Variants in ESR2 observed in about 807,000 individuals in gnomAD.
The protein encoded by ESR2 is estrogen receptor beta.
Under a neutral mutation model 49.6 loss-of-function variants are expected in ESR2, and 36 were observed. The ratio of observed to expected loss-of-function variants is 0.73; its 90% CI spans 0.56 to 0.96. The LOEUF is 0.96. ESR2 is among the 40% of genes least tolerant of loss of function. The pLI is 0.00. For synonymous variants in ESR2, 320 were observed against 266.1 expected (o/e 1.20, Z -1.97); for missense variants, 714 against 693.0 (o/e 1.03, Z -0.34).
chr14:64,325,548 T>C (rs8005720), intron 1 of ESR2, among the ~76,000 whole-genome samples: 13,684 of 152,154 alleles, frequency 0.09, 693 homozygotes, highest in African/African-American at 0.13. Context: ...ATTATGAATA[T>C]TCCACCTTTT....
chr14:64,315,626 C>A lies in ESR2; in HGVS notation c.-91+22272G>T, dbSNP rs554364462. On this transcript the variant is annotated intron_variant, in intron 1 of 8. Transcript: ENST00000358599. ...AGTAGCTGGGACTACAGGCACGCAC[C>A]ACCACACCTGGCTAATTTTTTGTAT... Among the ~76,000 whole-genome samples the A allele has an allele frequency of 3.6e-4, 54 of 151,138 alleles. No individual in the cohort carries two copies. In the South Asian group the frequency reaches 0.011, roughly 30 times the overall value.
intron 1 of ESR2, among the ~76,000 whole-genome samples, chr14:64,331,632 C>G (rs1163492567): frequency 1.3e-5 from 2 of 152,028 alleles, no homozygotes; most frequent in African/African-American, 4.8e-5. Flanking sequence ...CGAGACTGGC[C>G]TGACCAACAT....
At chr14:64,311,589 G>A (rs990988603) in intron 1 of ESR2, among the ~76,000 whole-genome samples, 2 of 151,018 alleles carry the variant, frequency 1.3e-5, no homozygotes, top group African/African-American at 4.9e-5. Flanking sequence ...GTTGCAGTGA[G>A]CTGAGATCAC....
Position 64,282,491 on chromosome 14 carries a change from T to C in ESR2, c.362+133A>G, listed in dbSNP as rs1341331627. The C allele has an allele frequency of 4.3e-6, 4 of 920,194 alleles. No homozygotes were observed. The African/African-American group carries it at 6.7e-5, about 15-fold the overall frequency. 57.0% of individuals were successfully genotyped at this position (920,194 alleles called of 1,614,324 possible). A position where few individuals can be genotyped will look rare whatever the true frequency, so the allele number is the denominator to read the frequency against. On this transcript the variant is annotated intron_variant, in intron 2 of 8. Transcript: ENST00000341099. ...AGAATAGAACAGGGCATCCTGTGTT[T>C]TGGGTGCTGTAAGTAAACTATGTAA...
intron 6 of ESR2, among the ~76,000 whole-genome samples, chr14:64,256,508 C>T (rs1596399059): frequency 1.3e-5 from 2 of 152,130 alleles, no homozygotes; most frequent in African/African-American, 2.4e-5. Context: ...GTGGGCAGAT[C>T]GCCTGAGGTC....
intron 5 of ESR2, among the ~76,000 whole-genome samples, chr14:64,258,343 A>C (rs932996063): frequency 3.3e-5 from 5 of 152,228 alleles, no homozygotes; most frequent in African/African-American, 1.2e-4. Context: ...CTTCAAAAGC[A>C]AAGCAGAGAA....
Position 64,266,696 on chromosome 14 carries a change from T to C in ESR2, c.652+2099A>G, listed in dbSNP as rs140872541. 1.5e-4 allele frequency among the ~76,000 whole-genome samples: 23 copies of C among 152,312 alleles called. No homozygotes were observed. The East Asian group carries it at 4.4e-3, about 29-fold the overall frequency. ...TTTCTGCATAAACATACACATAAGA[T>C]ATTATCTCTGGATTTTCAGTTTCAG... is the stretch of plus-strand genomic sequence containing the variant. On this transcript the variant is annotated intron_variant, in intron 4 of 8. Transcript: ENST00000341099.
intron 7 of ESR2, among the ~76,000 whole-genome samples, chr14:64,245,244 C>T (rs2075823743): frequency 6.6e-6 from 1 of 152,058 alleles, no homozygotes; most frequent in Non-Finnish European, 1.5e-5. Flanking sequence ...AAAAGAAGAT[C>T]TCTGGCCAGG....
At chr14:64,284,166 T>C (rs1157820031) in intron 1 of ESR2, among the ~76,000 whole-genome samples, 1 of 151,976 alleles carries the variant, frequency 6.6e-6, no homozygotes, top group Non-Finnish European at 1.5e-5. Context: ...TGATCTCGAG[T>C]GATCCACCTG....
intron 3 of ESR2, among the ~76,000 whole-genome samples, chr14:64,277,263 G>A (rs987210320): frequency 6.6e-6 from 1 of 152,112 alleles, no homozygotes; most frequent in Non-Finnish European, 1.5e-5. Flanking sequence ...GAAGGGGACA[G>A]GTACATGACT....
intron 1 of ESR2, among the ~76,000 whole-genome samples, chr14:64,313,084 T>C (rs10139423): frequency 0.017 from 2,633 of 152,018 alleles, 80 homozygotes; most frequent in African/African-American, 0.059. Context: ...AAGGAAAGTG[T>C]CAAACAAAGT....
In ESR2 at chr14:64,229,951, G is replaced by A. The variant is rs943234612; in HGVS notation, c.*3186C>T. Among the ~76,000 whole-genome samples the A allele has an allele frequency of 2.0e-5, 3 of 152,184 alleles. No individual in the cohort carries two copies. The highest frequency in any genetic ancestry group is 7.2e-5 in the African/African-American group (3 of 41,450). Reference sequence around the variant, plus strand: ...CTCAGCACTTTGGGAGGCCTTGGCAGGCAGATCGCTGGAGCCCAGGAGTTC... The same window carrying A: ...CTCAGCACTTTGGGAGGCCTTGGCAAGCAGATCGCTGGAGCCCAGGAGTTC... On this transcript the variant is annotated 3_prime_UTR_variant, in exon 9 of 9. Transcript: ENST00000341099.
chr14:64,274,688 A>G (rs1349157777), intron 3 of ESR2, among the ~76,000 whole-genome samples: 2 of 152,222 alleles, frequency 1.3e-5, no homozygotes, highest in East Asian at 3.9e-4. Context: ...TCTTTAAGAT[A>G]CATCATTAAG....
chr14:64,280,006 C>T lies in ESR2; in HGVS notation c.510G>A (p.Lys170=), dbSNP rs778238323. The T allele has an allele frequency of 3.7e-6, 6 of 1,614,010 alleles. No individual in the cohort carries two copies. Among genetic ancestry groups the T allele is most frequent in the Admixed American group, 1.7e-5 (1 of 59,990 alleles). ...HYGVWSCEGC[K]AFFKRSIQGH... ...CTTGAATGCTTCTTTTAAAAAAGGCCTTACATCCTTCACACGACCAGACTC... is the reference window on the plus strand; with the variant it reads ...CTTGAATGCTTCTTTTAAAAAAGGCTTTACATCCTTCACACGACCAGACTC... Residue 170 remains lysine (K), a synonymous_variant, in exon 3 of 9, where the codon AAG becomes AAA. Coordinates refer to ENST00000341099, the MANE Select transcript of ESR2 (RefSeq NM_001437.3).
intron 6 of ESR2, among the ~76,000 whole-genome samples, chr14:64,251,085 C>T (rs569435460): frequency 7.9e-5 from 12 of 152,180 alleles, no homozygotes; most frequent in African/African-American, 2.6e-4. Flanking sequence ...CAAAGAGTGC[C>T]AAATCTACAG....
At chr14:64,294,672 G>C (rs756757619), upstream of ESR2, among the ~76,000 whole-genome samples, 1 of 152,204 alleles carries the variant, frequency 6.6e-6, no homozygotes, top group African/African-American at 2.4e-5. Context: ...CCAGTCTGGG[G>C]ACCACACTTC....
intron 3 of ESR2, among the ~76,000 whole-genome samples, chr14:64,272,048 A>G (rs187362900): frequency 6.6e-6 from 1 of 152,282 alleles, no homozygotes; most frequent in East Asian, 1.9e-4. Flanking sequence ...CCTTTTCTCT[A>G]CATCCTCACT....
chr14:64,255,449 A>G (rs2076080091), intron 6 of ESR2, among the ~76,000 whole-genome samples: 1 of 152,136 alleles, frequency 6.6e-6, no homozygotes, highest in Admixed American at 6.6e-5. Flanking sequence ...TGTTACAAGT[A>G]AAACAGGGCT....
At chr14:64,299,590 C>CT (rs1469264081) in intron 1 of ESR2, among the ~76,000 whole-genome samples, 1 of 152,096 alleles carries the variant, frequency 6.6e-6, no homozygotes, top group Non-Finnish European at 1.5e-5. Context: ...TCTCGATCTC[C>CT]TGGCCTCCTG....
Sources: gnomAD v4.1 joint callset for allele counts (sites outside exome capture counted in the v4.1 genomes callset) on GRCh38, gnomAD v4.1.1 for gene constraint, MANE v1.5 for transcripts, NCBI Gene and HGNC (gene_info 2026-07-23, HGNC 2026-07-21) for gene names.